The following SOCS7 variants were observed in gnomAD, a reference collection of about 807,000 sequenced individuals.
SOCS7 encodes the protein NAP-4.
A neutral mutation model predicts 58.9 loss-of-function variants in SOCS7; 18 were observed. The ratio of observed to expected loss-of-function variants is 0.31; its 90% CI spans 0.21 to 0.45. The LOEUF is 0.45. Ranked by LOEUF, SOCS7 falls within the 20% of genes least tolerant of loss-of-function variation. The pLI is 1.00. For synonymous variants in SOCS7, 388 were observed against 364.3 expected, an observed-to-expected ratio of 1.06 and a Z score of -0.74; for missense variants, 667 against 837.3, an observed-to-expected ratio of 0.80 and a Z score of 2.51.
intron 1 of SOCS7, among the ~76,000 whole-genome samples, chr17:38,357,354 T>C (rs769032772): frequency 1.3e-5 from 2 of 152,194 alleles, no homozygotes; most frequent in Non-Finnish European, 2.9e-5. Flanking sequence ...TTTTTAACTA[T>C]TTTTTCCATG....
At chr17:38,385,684 A>G (rs982590867) in intron 7 of SOCS7, among the ~76,000 whole-genome samples, 3 of 152,100 alleles carry the variant, frequency 2.0e-5, no homozygotes, top group Non-Finnish European at 4.4e-5. Context: ...GATATTGCTC[A>G]TTTGAAAAAA....
intron 6 of SOCS7, among the ~76,000 whole-genome samples, chr17:38,374,081 C>CG (rs1332387450): frequency 0.012 from 986 of 82,510 alleles, 11 homozygotes; most frequent in African/African-American, 0.072. Flanking sequence ...ATTAGCCAGG[C>CG]TGGTGGCACG....
At chr17:38,364,715 G>A (rs765595807) in intron 2 of SOCS7, 37 bp from the exon 3 acceptor site, 15 of 1,563,362 alleles carry the variant, frequency 9.6e-6, no homozygotes, top group Middle Eastern at 3.3e-4. Flanking sequence ...TTTGGGCAAG[G>A]CGCTTCTGTA....
chr17:38,384,842 C>A (rs1425850289), intron 7 of SOCS7, among the ~76,000 whole-genome samples: 2 of 150,984 alleles, frequency 1.3e-5, no homozygotes, highest in Non-Finnish European at 2.9e-5. Flanking sequence ...CCACCCGCCT[C>A]AGCCTCCCAA....
At chr17:38,354,255 T>C (rs1448072885) in intron 1 of SOCS7, among the ~76,000 whole-genome samples, 4 of 152,204 alleles carry the variant, frequency 2.6e-5, no homozygotes, top group Non-Finnish European at 5.9e-5. Context: ...TCTTGAGACA[T>C]ACTGGCAGCC....
At chr17:38,389,717 T>G (rs2038125623) in intron 7 of SOCS7, among the ~76,000 whole-genome samples, 1 of 147,608 alleles carries the variant, frequency 6.8e-6, no homozygotes, top group African/African-American at 2.5e-5. Flanking sequence ...GCTTGTTATA[T>G]TTAGAAAAGT....
chr17:38,378,532 A>C (rs2037960198), intron 7 of SOCS7, among the ~76,000 whole-genome samples: 1 of 152,132 alleles, frequency 6.6e-6, no homozygotes, highest in African/African-American at 2.4e-5. Flanking sequence ...AAGAAAAAGT[A>C]AGGGCCAAAT....
At chr17:38,366,929 G>C (rs2037797608) in intron 5 of SOCS7, among the ~76,000 whole-genome samples, 1 of 152,206 alleles carries the variant, frequency 6.6e-6, no homozygotes, top group Non-Finnish European at 1.5e-5. Context: ...ACATGATAAA[G>C]GTTGTTGGAG....
intron 6 of SOCS7, chr17:38,376,052 T>G (rs1316760969): frequency 6.6e-6 from 1 of 152,166 alleles, no homozygotes; most frequent in East Asian, 1.9e-4. Context: ...ACCAAACTTC[T>G]AAATAAAGAC....
At chr17:38,393,548 A>G (rs1409682984) in intron 7 of SOCS7, among the ~76,000 whole-genome samples, 1 of 151,932 alleles carries the variant, frequency 6.6e-6, no homozygotes, top group Non-Finnish European at 1.5e-5. Flanking sequence ...AAGGCAGGAG[A>G]ATCGCTTGAA....
At chr17:38,358,260 GAATA>G (rs2037666598) in intron 1 of SOCS7, among the ~76,000 whole-genome samples, 1 of 152,142 alleles carries the variant, frequency 6.6e-6, no homozygotes, top group South Asian at 2.1e-4. Context: ...ATCTGGGGAA[GAATA>G]AATAACATGG....
intron 7 of SOCS7, among the ~76,000 whole-genome samples, chr17:38,378,898 T>A (rs1419155766): frequency 6.6e-6 from 1 of 151,908 alleles, no homozygotes; most frequent in Admixed American, 6.6e-5. Flanking sequence ...GCTCACACTG[T>A]AATAATCCCA....
At chr17:38,386,323 C>CAAAAAAAAAAAAA (rs548448434) in intron 7 of SOCS7, among the ~76,000 whole-genome samples, 1 of 51,802 alleles carries the variant, frequency 1.9e-5, no homozygotes, top group Non-Finnish European at 3.7e-5. Flanking sequence ...GGCTGTGTCT[C>CAAAAAAAAAAAAA]AAAAAAAAAA....
chr17:38,382,498 T>C (rs1394872951), intron 7 of SOCS7, among the ~76,000 whole-genome samples: 3 of 151,472 alleles, frequency 2.0e-5, no homozygotes, highest in African/African-American at 7.3e-5. Flanking sequence ...TTTGTTTGTT[T>C]GTTTCAAGAT....
Position 38,395,310 on chromosome 17 carries a change from A to C in SOCS7, c.1683A>C (p.Gly561=). ...TTTCCTTTGTTTTCTTTCTTGAAGG[A>C]CTGCCACCAACTCCTGTCCAGCTGC... ...FLYFLRSRVP[G]LPPTPVQLLY... is the part of the protein sequence containing the mutation. Residue 561 remains glycine (G), a splice_region_variant and synonymous_variant, in exon 8 of 10, where the codon GGA becomes GGC. Coordinates refer to ENST00000612932, the MANE Select transcript of SOCS7 (RefSeq NM_014598.4). The C allele has an allele frequency of 6.2e-7, 1 of 1,613,416 alleles. No homozygotes were observed. The highest frequency in any genetic ancestry group is 8.5e-7 in the Non-Finnish European group (1 of 1,179,548).
intron 9 of SOCS7, 29 bp downstream of exon 9, chr17:38,396,027 C>A: frequency 6.5e-7 from 1 of 1,531,212 alleles, no homozygotes; most frequent in Non-Finnish European, 8.7e-7. Flanking sequence ...ACTGCCCAGC[C>A]ACATTTCTTC....
intron 9 of SOCS7, among the ~76,000 whole-genome samples, chr17:38,397,620 G>A (rs1414200570): frequency 6.6e-6 from 1 of 152,190 alleles, no homozygotes; most frequent in Non-Finnish European, 1.5e-5. Context: ...TCCAAAACTG[G>A]GATGGTTTTC....
At chr17:38,380,654 A>AATG (rs2037989777) in intron 7 of SOCS7, among the ~76,000 whole-genome samples, 2 of 151,226 alleles carry the variant, frequency 1.3e-5, no homozygotes, top group South Asian at 2.1e-4. Context: ...TAATAATAAT[A>AATG]ATGATAATGA....
At chr17:38,395,625 C>T (rs2038234969) in intron 8 of SOCS7, among the ~76,000 whole-genome samples, 181 bp downstream of exon 8, 1 of 152,148 alleles carries the variant, frequency 6.6e-6, no homozygotes, top group South Asian at 2.1e-4. Flanking sequence ...ATATTGCAGC[C>T]AGAGGGAGGA....
Sources: allele counts gnomAD v4.1 joint callset (sites outside exome capture counted in the v4.1 genomes callset), GRCh38; gene constraint gnomAD v4.1.1; transcripts MANE v1.5; gene names NCBI Gene and HGNC (gene_info 2026-07-23, HGNC 2026-07-21).